Variants in VIRMA observed in about 807,000 individuals in gnomAD.
VIRMA encodes vir like m6A methyltransferase associated, also known as protein virilizer homolog.
VIRMA carries 65 observed loss-of-function variants against 182.4 expected under a neutral mutation model. That is an observed-to-expected ratio of 0.36 (90% CI 0.29 to 0.44). The LOEUF (loss-of-function observed/expected upper bound fraction) is 0.44, where lower values mean the gene tolerates loss of function less well. Among genes scored for constraint, VIRMA ranks in the 20% least tolerant of loss-of-function variants. The probability of loss-of-function intolerance (pLI) is 1.00; values close to 1 mark genes in which losing one functional copy is unlikely to be tolerated. For synonymous variants in VIRMA, 709 were observed against 743.1 expected, an observed-to-expected ratio of 0.95 and a Z score of 0.75; for missense variants, 1,752 against 2,158.1, an observed-to-expected ratio of 0.81 and a Z score of 3.73.
intron 5 of VIRMA, among the ~76,000 whole-genome samples, chr8:94,531,549 C>G (rs1020703946): frequency 3.9e-5 from 6 of 152,168 alleles, no homozygotes; most frequent in African/African-American, 1.4e-4. Context: ...GTCATCATTT[C>G]AGACTTTCAT....
intron 16 of VIRMA, among the ~76,000 whole-genome samples, chr8:94,501,061 T>C (rs1363774820): frequency 1.3e-5 from 2 of 151,466 alleles, no homozygotes; most frequent in Non-Finnish European, 2.9e-5. Context: ...CTGGCCAACA[T>C]AGTGAAACCC....
chr8:94,509,138 C>T (rs560391689), intron 15 of VIRMA, among the ~76,000 whole-genome samples: 1 of 152,092 alleles, frequency 6.6e-6, no homozygotes, highest in Non-Finnish European at 1.5e-5. Flanking sequence ...TGGTGGCTCT[C>T]GTCTGTAATC....
At chr8:94,515,010 T>C in intron 10 of VIRMA, 59 bp from the exon 11 acceptor site, 1 of 861,526 alleles carries the variant, frequency 1.2e-6, no homozygotes, top group Non-Finnish European at 1.7e-6. Context: ...ACAAAGAAAG[T>C]AAATATTTTT....
intron 9 of VIRMA, among the ~76,000 whole-genome samples, 157 bp from the exon 10 acceptor site, chr8:94,518,099 A>G (rs1220332879): frequency 6.6e-6 from 1 of 152,242 alleles, no homozygotes; most frequent in African/African-American, 2.4e-5. Flanking sequence ...TTTACAGTTC[A>G]TATCCAATTC....
chr8:94,527,202 G>A lies in VIRMA; in HGVS notation c.1042C>T (p.Leu348Phe), dbSNP rs1261883114. Residue 348 changes from leucine to phenylalanine, a missense_variant, in exon 8 of 24, where the codon CTC (leucine) becomes TTC (phenylalanine). Leu to Phe is a conservative substitution (Grantham distance 22). This residue lies in a region of VIRMA where 401 missense variants were observed against 455.1 expected (regional missense o/e 0.88). Coordinates refer to ENST00000297591, the MANE Select transcript of VIRMA (RefSeq NM_015496.5). Reference sequence around the variant, plus strand: ...TTGTATGGACAACTGAAGTATAAGAGTGGTACAAGCTCCCTGTCATATGGA... The same window carrying A: ...TTGTATGGACAACTGAAGTATAAGAATGGTACAAGCTCCCTGTCATATGGA... The part of the protein sequence containing the change: ...YDPYDRELVP[L>F]LYFSCPYKTT... 3 of 1,614,088 alleles carry A rather than the reference G, an allele frequency of 1.9e-6. No individual in the cohort carries two copies.
chr8:94,529,020 G>A (rs370941628), intron 7 of VIRMA, 50 bp downstream of exon 7: 65 of 1,592,660 alleles, frequency 4.1e-5, no homozygotes, highest in East Asian at 1.8e-4. Flanking sequence ...AAGCTGTATC[G>A]AGTTAGTTTC....
At chr8:94,501,255 C>CAAAAAAAAA (rs55726504) in intron 16 of VIRMA, among the ~76,000 whole-genome samples, 3 of 72,864 alleles carry the variant, frequency 4.1e-5, no homozygotes, top group African/African-American at 1.2e-4. Context: ...GATTCCATCT[C>CAAAAAAAAA]AAAAAAAAAA....
intron 11 of VIRMA, among the ~76,000 whole-genome samples, chr8:94,513,086 A>C (rs3133640): frequency 0.59 from 90,042 of 152,096 alleles, 26,994 homozygotes; most frequent in East Asian, 0.81. Flanking sequence ...GCCTGTAATC[A>C]CAGCACTTTG....
chr8:94,509,523 A>T (rs1814283333), intron 15 of VIRMA, among the ~76,000 whole-genome samples, 165 bp downstream of exon 15: 1 of 152,188 alleles, frequency 6.6e-6, no homozygotes, highest in South Asian at 2.1e-4. Context: ...TTATAAAGGA[A>T]AGAAAAAAGC....
chr8:94,528,988 A>T, intron 7 of VIRMA, 82 bp downstream of exon 7: 1 of 1,545,634 alleles, frequency 6.5e-7, no homozygotes, highest in Non-Finnish European at 8.7e-7. Flanking sequence ...TATCTTTGCT[A>T]GAAATTCTTT....
At chr8:94,543,987 T>G (rs759730184) in intron 1 of VIRMA, 45 bp from the exon 2 acceptor site, 1 of 924,962 alleles carries the variant, frequency 1.1e-6, no homozygotes, top group Admixed American at 2.0e-5. Flanking sequence ...CGGAACATTA[T>G]GTAAAACAGT....
intron 16 of VIRMA, among the ~76,000 whole-genome samples, chr8:94,506,027 T>C (rs954256682): frequency 3.9e-5 from 6 of 152,190 alleles, no homozygotes; most frequent in African/African-American, 1.2e-4. Flanking sequence ...TCTAAGGTGA[T>C]TTCAAGTATA....
At chr8:94,527,524 T>G (rs1815016600) in intron 7 of VIRMA, among the ~76,000 whole-genome samples, 161 bp from the exon 8 acceptor site, 2 of 152,236 alleles carry the variant, frequency 1.3e-5, no homozygotes, top group Admixed American at 1.3e-4. Flanking sequence ...CAACATTTTA[T>G]AATTTCTAAT....
intron 10 of VIRMA, 141 bp from the exon 11 acceptor site, chr8:94,515,092 C>A: frequency 9.4e-6 from 4 of 425,910 alleles, no homozygotes; most frequent in Non-Finnish European, 1.6e-5. Context: ...GGACATGCAT[C>A]TAATTCTTTT....
rs768741856 is a variant in VIRMA at position 94,511,662 on chromosome 8, C to T, written c.2913G>A (p.Thr971=). 7.4e-6 allele frequency: 12 copies of T among 1,613,894 alleles called. No individual in the cohort carries two copies. The highest frequency in any genetic ancestry group is 2.7e-5 in the African/African-American group (2 of 74,904). Residue 971 remains threonine (T), a synonymous_variant, in exon 13 of 24, where the codon ACG becomes ACA. Transcript: ENST00000297591. The part of the protein sequence containing the change: ...IQLFSAEGMD[T]FIRVLQKLNS... ...TCAATTTTTGCAGAACTCGAATAAA[C>T]GTGTCCATTCCTTCAGCAGAAAAAA...
At chr8:94,519,828 G>A (rs1002957531) in intron 8 of VIRMA, among the ~76,000 whole-genome samples, 1 of 152,138 alleles carries the variant, frequency 6.6e-6, no homozygotes, top group Admixed American at 6.5e-5. Flanking sequence ...TTAAATTCAT[G>A]TATCTAGGAA....
At chr8:94,504,070 A>T (rs1814074481) in intron 16 of VIRMA, among the ~76,000 whole-genome samples, 1 of 152,032 alleles carries the variant, frequency 6.6e-6, no homozygotes, top group Non-Finnish European at 1.5e-5. Flanking sequence ...GCTACTTGGG[A>T]GGCTGAGGCA....
intron 2 of VIRMA, among the ~76,000 whole-genome samples, chr8:94,540,722 A>C (rs1815521511): frequency 6.6e-6 from 1 of 151,990 alleles, no homozygotes; most frequent in African/African-American, 2.4e-5. Context: ...TCAGCCTCCC[A>C]AAGTGCTGGG....
chr8:94,503,982 G>A (rs886560615), intron 16 of VIRMA, among the ~76,000 whole-genome samples: 4 of 151,990 alleles, frequency 2.6e-5, no homozygotes, highest in Admixed American at 2.0e-4. Context: ...AGACCAGCCT[G>A]GCCAACATGG....
Sources: allele counts gnomAD v4.1 joint callset (sites outside exome capture counted in the v4.1 genomes callset), GRCh38; gene constraint gnomAD v4.1.1; regional missense constraint gnomAD v4.1.1; transcripts MANE v1.5; gene names NCBI Gene and HGNC (gene_info 2026-07-23, HGNC 2026-07-21).